The following KRT40 variants were observed in gnomAD, a reference collection of about 807,000 sequenced individuals.
The protein encoded by KRT40 is keratin 40.
KRT40 carries 47 observed loss-of-function variants against 43.5 expected under a neutral mutation model. The ratio of observed to expected loss-of-function variants is 1.08; its 90% CI spans 0.86 to 1.38. The LOEUF (loss-of-function observed/expected upper bound fraction) is 1.38. Among genes scored for constraint, KRT40 ranks in the 40% most tolerant of loss-of-function variants. The pLI is 0.00. For synonymous variants in KRT40, 212 were observed against 214.0 expected (o/e 0.99, Z 0.08); for missense variants, 573 against 523.6 (o/e 1.09, Z -0.92).
chr17:40,982,967 C>T (rs750880709), intron 2 of KRT40, 79 bp downstream of exon 2: 1 of 658,724 alleles, frequency 1.5e-6, no homozygotes, highest in Non-Finnish European at 2.6e-6. Context: ...GAGATAGCAC[C>T]ATTGAGCTCT....
intron 3 of KRT40, 36 bp from the exon 4 acceptor site, chr17:40,981,187 G>T: frequency 3.1e-6 from 5 of 1,611,746 alleles, no homozygotes; most frequent in Non-Finnish European, 3.4e-6. Flanking sequence ...GTCACAGAAT[G>T]GTGGGGAAAA....
chr17:40,979,820 A>G (rs1435757119), intron 5 of KRT40, among the ~76,000 whole-genome samples: 2 of 152,190 alleles, frequency 1.3e-5, no homozygotes, highest in Admixed American at 1.3e-4. Flanking sequence ...ATATGTTTTC[A>G]TGTTGGACAG....
Position 40,978,868 on chromosome 17 carries a change from C to A in KRT40, c.1132G>T (p.Val378Leu), listed in dbSNP as rs200984682. Residue 378 changes from valine (V) to leucine (L), a missense_variant, in exon 6 of 7, where the codon GTG becomes TTG. Val to Leu is a conservative substitution (Grantham distance 32). Coordinates refer to ENST00000377755, the MANE Select transcript of KRT40 (RefSeq NM_001389244.1). Reference sequence around the variant, plus strand: ...ATCTCACCCTCCAGCCGGGCCTTCACGTCCAGGAGCACCTGGTACTCCTGG... The same window carrying A: ...ATCTCACCCTCCAGCCGGGCCTTCAAGTCCAGGAGCACCTGGTACTCCTGG... Reference protein sequence around the residue: ...QNQEYQVLLDVKARLEGEINT... With the variant: ...QNQEYQVLLDLKARLEGEINT... 4 of 1,612,704 alleles carry A rather than the reference C, an allele frequency of 2.5e-6. No homozygotes were observed. The highest frequency in any genetic ancestry group is 2.7e-5 in the African/African-American group (2 of 74,544).
At position 40,978,916 on chromosome 17, in the gene KRT40, G is replaced by A. The variant is rs759626145; in HGVS notation, c.1084C>T (p.Arg362Cys). ...TGGTTCTGTCGCTCCAGGTCGCAGCGGATCTCGGCCAGCTGGTTCTCCAGG... is the reference window on the plus strand; with the variant it reads ...TGGTTCTGTCGCTCCAGGTCGCAGCAGATCTCGGCCAGCTGGTTCTCCAGG... ...DNLENQLAEIRCDLERQNQEY... is the reference protein window; with the variant it reads ...DNLENQLAEICCDLERQNQEY... Residue 362 changes from arginine to cysteine, a missense_variant, in exon 6 of 7, where the codon CGC becomes TGC. Physicochemically the swap from Arg to Cys is radical, Grantham distance 180 (BLOSUM62 -3). Coordinates refer to ENST00000377755, the MANE Select transcript of KRT40 (RefSeq NM_001389244.1). 72 of 1,614,002 alleles carry A rather than the reference G, an allele frequency of 4.5e-5. No individual in the cohort carries two copies. Among genetic ancestry groups the A allele is most frequent in the Middle Eastern group, 3.3e-4 (2 of 6,076 alleles).
In KRT40 at chr17:40,984,177, A is replaced by C; in HGVS notation, c.97T>G (p.Cys33Gly). ...GATGTAGCACAGGTACCGGGGAGAC[A>C]AGCTGTTTCCACGGAGCAGCTTGAG... The part of the protein sequence containing the change: ...PASSCSVETA[C>G]LPGTCATSRC... Residue 33 changes from cysteine to glycine, a missense_variant, in exon 1 of 7, where the codon TGT (cysteine) becomes GGT (glycine). Transcript: ENST00000377755. 1 of 1,614,100 alleles carries C rather than the reference A, an allele frequency of 6.2e-7. No individual in the cohort carries two copies. The highest frequency in any genetic ancestry group is 8.5e-7 in the Non-Finnish European group (1 of 1,180,028).
intron 6 of KRT40, 58 bp downstream of exon 6, chr17:40,978,746 C>A (rs1001078957): frequency 6.8e-7 from 1 of 1,468,354 alleles, no homozygotes; most frequent in African/African-American, 1.4e-5. Context: ...AAACAGGATT[C>A]TTTTACATCA....
chr17:40,984,119 G>C lies in KRT40; in HGVS notation c.155C>G (p.Ser52Cys), dbSNP rs1186502945. 6.8e-6 allele frequency: 11 copies of C among 1,614,162 alleles called. No homozygotes were observed. Among genetic ancestry groups the C allele is most frequent in the Non-Finnish European group, 9.3e-6 (11 of 1,180,036 alleles). Residue 52 changes from serine to cysteine, a missense_variant, in exon 1 of 7, where the codon TCT (serine) becomes TGT (cysteine). Ser to Cys is a moderately radical substitution (Grantham distance 112). Coordinates refer to ENST00000377755, the MANE Select transcript of KRT40 (RefSeq NM_001389244.1). ...RCQTPSFLSR[S>C]RGLTGCLLPC... ...CAGGAGGCAACCAGTCAGCCCGCGA[G>C]ACCTGGATAGGAAGCTTGGAGTCTG...
chr17:40,984,086 T>C lies in KRT40; in HGVS notation c.188A>G (p.Tyr63Cys), dbSNP rs756981104. Residue 63 changes from tyrosine (Y) to cysteine (C), a missense_variant, in exon 1 of 7, where the codon TAC (tyrosine) becomes TGC (cysteine). By Grantham distance (194) the Tyr-to-Cys change is radical. Transcript: ENST00000377755. The part of the protein sequence containing the change: ...RGLTGCLLPC[Y>C]FTGSCNSPCL... The stretch of plus-strand genomic sequence containing the variant: ...GGGACTATTACAACTCCCAGTAAAG[T>C]AGCATGGCAGGAGGCAACCAGTCAG... 1.2e-6 allele frequency: 2 copies of C among 1,613,992 alleles called. No homozygotes were observed. Among genetic ancestry groups the C allele is most frequent in the Non-Finnish European group, 1.7e-6 (2 of 1,179,978 alleles).
rs377612229 is a variant in KRT40 at position 40,982,402 on chromosome 17, T to A, written c.592A>T (p.Ile198Phe). 5.0e-6 allele frequency: 8 copies of A among 1,611,068 alleles called. No individual in the cohort carries two copies. The East Asian group carries it at 1.3e-4, about 27-fold the overall frequency. Reference protein sequence around the residue: ...LEADISSLHGILEELTLCKSD... With the variant: ...LEADISSLHGFLEELTLCKSD... ...TTGCACAGGGTCAGTTCCTCCAGGA[T>A]CCCATGCAGGCTGCTGATGTCAGCC... Residue 198 changes from isoleucine to phenylalanine, a missense_variant, in exon 3 of 7, where the codon ATC (isoleucine) becomes TTC (phenylalanine). By Grantham distance (21) the Ile-to-Phe change is conservative (BLOSUM62 0). Coordinates refer to ENST00000377755, the MANE Select transcript of KRT40 (RefSeq NM_001389244.1).
rs71212953 is a variant in KRT40, at chr17:40,977,997, T to C, written c.*200A>G. 3,275 of 535,640 alleles carry C rather than the reference T, an allele frequency of 6.1e-3. 95 individuals carry two copies. The highest frequency in any genetic ancestry group is 0.057 in the African/African-American group (3,031 of 53,106). 33.2% of individuals were successfully genotyped at this position (535,640 alleles called of 1,614,324 possible). On this transcript the variant is annotated 3_prime_UTR_variant, in exon 7 of 7. Coordinates refer to ENST00000377755, the MANE Select transcript of KRT40 (RefSeq NM_001389244.1). ...TTATTTGGAGATGAGCAAGAATGCT[T>C]TATGGGCTTCCAGTATACCACAAAT...
In KRT40 at chr17:40,984,198, T is replaced by C. The variant is rs776374683; in HGVS notation, c.76A>G (p.Ser26Gly). The C allele has an allele frequency of 3.7e-6, 6 of 1,613,978 alleles. No homozygotes were observed. The Admixed American group carries it at 1.0e-4, about 27-fold the overall frequency. ...AGACAAGCTGTTTCCACGGAGCAGC[T>C]TGAGGCAGGTGCACAACCGGAAGCC... ...GTASGCAPAS[S>G]CSVETACLPG... Residue 26 changes from serine (S) to glycine (G), a missense_variant, in exon 1 of 7, where the codon AGC becomes GGC. By Grantham distance (56) the Ser-to-Gly change is moderately conservative (BLOSUM62 0). Transcript: ENST00000377755.
chr17:40,978,433 G>T (rs1911915365), intron 6 of KRT40, 137 bp from the exon 7 acceptor site: 1 of 701,832 alleles, frequency 1.4e-6, no homozygotes, highest in Non-Finnish European at 2.5e-6. Flanking sequence ...ACTGAAGCCT[G>T]TTTCTTCTCT....
At chr17:40,985,085 AT>A (rs1567860624), upstream of KRT40, among the ~76,000 whole-genome samples, 2 of 152,194 alleles carry the variant, frequency 1.3e-5, no homozygotes, top group Admixed American at 1.3e-4. Flanking sequence ...TGAAATATAA[AT>A]TCTAAGTTAT....
intron 5 of KRT40, among the ~76,000 whole-genome samples, chr17:40,979,810 A>G (rs954997152): frequency 1.3e-5 from 2 of 152,144 alleles, no homozygotes; most frequent in Non-Finnish European, 2.9e-5. Context: ...GACAGAAAGA[A>G]TATGTTTTCA....
In KRT40 at chr17:40,984,312, C is replaced by T; in HGVS notation, c.-39G>A. On this transcript the variant is annotated 5_prime_UTR_variant, in exon 1 of 7. Transcript: ENST00000377755. The stretch of plus-strand genomic sequence containing the variant: ...AAGACAGAGACTGGCTGCAAAACTT[C>T]AGTTGCCTTGACTCCAAAACTCTCC... The T allele has an allele frequency of 6.6e-7, 1 of 1,511,586 alleles. No individual in the cohort carries two copies. Among genetic ancestry groups the T allele is most frequent in the Non-Finnish European group, 9.0e-7 (1 of 1,108,556 alleles). The allele number at this position is 1,511,586 out of a possible 1,614,324, so 93.6% of individuals were successfully genotyped here. A position where few individuals can be genotyped will look rare whatever the true frequency, so the allele number is the denominator to read the frequency against.
chr17:40,978,680 T>G (rs1911935541), intron 6 of KRT40, 124 bp downstream of exon 6: 1 of 774,980 alleles, frequency 1.3e-6, no homozygotes, highest in Non-Finnish European at 2.1e-6. Flanking sequence ...TTCAGCACTT[T>G]TTTAAGAAGA....
chr17:40,985,201 T>G (rs1379628077), upstream of KRT40, among the ~76,000 whole-genome samples: 1 of 152,184 alleles, frequency 6.6e-6, no homozygotes, highest in Non-Finnish European at 1.5e-5. Context: ...TTTTCTCCTA[T>G]TTATTTATTT....
intron 3 of KRT40, 200 bp from the exon 4 acceptor site, chr17:40,981,351 A>G (rs1265718653): frequency 2.0e-6 from 2 of 992,090 alleles, no homozygotes; most frequent in Non-Finnish European, 1.5e-6. Context: ...ATAATTGGAC[A>G]TTTTTCCAGA....
At chr17:40,986,417 A>G (rs1321264297), upstream of KRT40, 1 of 152,278 alleles carries the variant, frequency 6.6e-6, no homozygotes, top group Non-Finnish European at 1.5e-5. Context: ...CCTTAGTGTT[A>G]TCAGTACCAC....
Sources: allele counts gnomAD v4.1 joint callset (sites outside exome capture counted in the v4.1 genomes callset), GRCh38; gene constraint gnomAD v4.1.1; transcripts MANE v1.5; gene names NCBI Gene and HGNC (gene_info 2026-07-23, HGNC 2026-07-21).